The following MECR variants were observed in gnomAD, a reference collection of about 807,000 sequenced individuals.
MECR encodes the protein mitochondrial trans-2-enoyl-CoA reductase, also known as enoyl-[acyl-carrier-protein] reductase, mitochondrial.
A neutral mutation model predicts 49.1 loss-of-function variants in MECR; 37 were observed. The observed-to-expected ratio is 0.75, with a 90% confidence interval of 0.58 to 0.99. The LOEUF (loss-of-function observed/expected upper bound fraction) is 0.99, where lower values mean the gene tolerates loss of function less well. MECR is among the 50% of genes least tolerant of loss of function. MECR has a pLI of 0.00. For synonymous variants in MECR, 198 were observed against 191.1 expected, an observed-to-expected ratio of 1.04 and a Z score of -0.30; for missense variants, 470 against 479.6, an observed-to-expected ratio of 0.98 and a Z score of 0.19.
At chr1:29,210,167 C>T (rs1677625325) in intron 3 of MECR, among the ~76,000 whole-genome samples, 1 of 152,156 alleles carries the variant, frequency 6.6e-6, no homozygotes, top group African/African-American at 2.4e-5. Flanking sequence ...CCCGCCACCA[C>T]ACCCGGCTAA....
rs1683271924 is a variant in MECR at position 29,230,889 on chromosome 1, G to T, written c.18C>A (p.Thr6=). The T allele has an allele frequency of 1.2e-6, 2 of 1,608,068 alleles. No individual in the cohort carries two copies. The highest frequency in any genetic ancestry group is 1.7e-5 in the Admixed American group (1 of 59,508). ...GGGCGGGGGTTCGCACCCGCCACAG[G>T]GTACTGCAGACCCACATGCTCGCTC... MWVCS[T]LWRVRTPARQ... The change falls in exon 1 of 10, where the codon ACC becomes ACA. Residue 6 remains threonine, a synonymous_variant. Transcript: ENST00000263702.
chr1:29,176,441 T>C, the MECR span, among the ~76,000 whole-genome samples: 2 of 149,230 alleles, frequency 1.3e-5, no homozygotes, highest in South Asian at 4.2e-4. Context: ...TAACGATGAA[T>C]GACAGAGCCT....
At chr1:29,178,001 G>C in the MECR span, among the ~76,000 whole-genome samples, 22 of 144,058 alleles carry the variant, frequency 1.5e-4, no homozygotes, top group East Asian at 4.6e-3. Context: ...CCAGGTTCAA[G>C]CAATTCTCCT....
At chr1:29,205,507 T>A (rs1316108608) in intron 4 of MECR, among the ~76,000 whole-genome samples, 1 of 151,406 alleles carries the variant, frequency 6.6e-6, no homozygotes, top group Non-Finnish European at 1.5e-5. Flanking sequence ...CTGCAGTGGG[T>A]TCTGAGAGTC....
At chr1:29,178,757 A>C in the MECR span, among the ~76,000 whole-genome samples, 2 of 152,322 alleles carry the variant, frequency 1.3e-5, no homozygotes, top group South Asian at 4.1e-4. Context: ...TACGTAGCTA[A>C]GTTATGCTTT....
At chr1:29,179,697 A>G in the MECR span, among the ~76,000 whole-genome samples, 30 of 152,178 alleles carry the variant, frequency 2.0e-4, no homozygotes, top group African/African-American at 6.8e-4. Context: ...GCTCTAATCT[A>G]TTCTTCAAAG....
At chr1:29,213,575 C>G (rs1001912371) in intron 3 of MECR, among the ~76,000 whole-genome samples, 1 of 152,196 alleles carries the variant, frequency 6.6e-6, no homozygotes, top group Admixed American at 6.5e-5. Context: ...TGGGCAAGGC[C>G]CATTCAGGGC....
the MECR span, among the ~76,000 whole-genome samples, chr1:29,180,604 G>A: frequency 0.11 from 17,470 of 152,118 alleles, 1,362 homozygotes; most frequent in East Asian, 0.41. Context: ...GCAAAGTAGA[G>A]TTTCTTTTTT....
chr1:29,198,047 G>A (rs1351549633), intron 7 of MECR, among the ~76,000 whole-genome samples: 1 of 152,252 alleles, frequency 6.6e-6, no homozygotes, highest in African/African-American at 2.4e-5. Context: ...AAACTGTTCC[G>A]CCTCAGATTC....
the MECR span, among the ~76,000 whole-genome samples, chr1:29,179,670 A>C: frequency 6.6e-6 from 1 of 152,188 alleles, no homozygotes; most frequent in Admixed American, 6.5e-5. Context: ...CCAGAAACCT[A>C]AATTTCTTCA....
intron 1 of MECR, chr1:29,224,571 T>C (rs1469005879): frequency 1.3e-5 from 2 of 152,266 alleles, no homozygotes; most frequent in Non-Finnish European, 2.9e-5. Flanking sequence ...CCGTCTTGTC[T>C]TGGCAGGAAG....
intron 2 of MECR, 61 bp from the exon 3 acceptor site, chr1:29,216,197 C>G: frequency 4.4e-6 from 7 of 1,595,350 alleles, no homozygotes; most frequent in Non-Finnish European, 6.0e-6. Context: ...AGAGCATGGA[C>G]TTGAGTCCAC....
chr1:29,228,571 C>T (rs915056359), intron 1 of MECR, among the ~76,000 whole-genome samples: 6 of 152,104 alleles, frequency 3.9e-5, no homozygotes, highest in Admixed American at 3.9e-4. Flanking sequence ...CCATGTTAGC[C>T]TCCCAAAGTG....
At chr1:29,228,679 CT>C (rs367832639) in intron 1 of MECR, among the ~76,000 whole-genome samples, 78 of 149,728 alleles carry the variant, frequency 5.2e-4, no homozygotes, top group African/African-American at 1.8e-3. Context: ...ATAATAGAAG[CT>C]TTTTTTTTTC....
rs77058373 is a variant in MECR at position 29,212,938 on chromosome 1, G to A, written c.406+3067C>T. 4.8e-4 allele frequency among the ~76,000 whole-genome samples: 73 copies of A among 152,092 alleles called. 2 individuals are homozygous for A. The East Asian group carries it at 0.013, about 27-fold the overall frequency. Reference sequence around the variant, plus strand: ...TGCTGTGCCTTCTCTCATCACTTACGTTCACACACGCTGCACTCTGTGCCT... The same window carrying A: ...TGCTGTGCCTTCTCTCATCACTTACATTCACACACGCTGCACTCTGTGCCT... On this transcript the variant is annotated intron_variant, in intron 3 of 9. Transcript: ENST00000263702.
the MECR span, among the ~76,000 whole-genome samples, chr1:29,179,854 A>G: frequency 3.3e-5 from 5 of 152,164 alleles, no homozygotes; most frequent in African/African-American, 9.7e-5. Context: ...CCCCCAATTC[A>G]TTTAGCACAG....
chr1:29,220,547 C>G (rs548701957), intron 1 of MECR, among the ~76,000 whole-genome samples: 1 of 152,296 alleles, frequency 6.6e-6, no homozygotes, highest in South Asian at 2.1e-4. Context: ...TGGAGATTAT[C>G]CTTAAGAGCA....
chr1:29,216,831 AC>A, intron 1 of MECR, 146 bp from the exon 2 acceptor site: 1 of 1,481,784 alleles, frequency 6.7e-7, no homozygotes, highest in Non-Finnish European at 8.9e-7. Context: ...AAAGAGAGGT[AC>A]CATAAGAAAT....
In MECR at chr1:29,216,660, C is replaced by T. The variant is rs1455847589; in HGVS notation, c.202G>A (p.Val68Met). Residue 68 changes from valine to methionine, a missense_variant, in exon 2 of 10, where the codon GTG becomes ATG. Coordinates refer to ENST00000263702, the MANE Select transcript of MECR (RefSeq NM_016011.5). ...VELKNLELAAVRGSDVRVKML... is the reference protein window; with the variant it reads ...VELKNLELAAMRGSDVRVKML... Reference sequence around the variant, plus strand: ...TTCACACGGACATCTGATCCTCTCACAGCAGCTAGCTCCAGGTTCTTGAGT... The same window carrying T: ...TTCACACGGACATCTGATCCTCTCATAGCAGCTAGCTCCAGGTTCTTGAGT... The T allele has an allele frequency of 3.1e-6, 5 of 1,614,122 alleles. No individual in the cohort carries two copies. The highest frequency in any genetic ancestry group is 1.3e-5 in the African/African-American group (1 of 74,940).
Sources: gnomAD v4.1 joint callset for allele counts (sites outside exome capture counted in the v4.1 genomes callset) on GRCh38, gnomAD v4.1.1 for gene constraint, MANE v1.5 for transcripts, NCBI Gene and HGNC (gene_info 2026-07-23, HGNC 2026-07-21) for gene names.